Variants in NALF1 observed in about 807,000 individuals in gnomAD.
NALF1 encodes the protein family with sequence similarity 155 member A.
Under a neutral mutation model 48.4 loss-of-function variants are expected in NALF1, and 3 were observed. The observed-to-expected ratio is 0.06, with a 90% CI of 0.03 to 0.16. The LOEUF is 0.16. Ranked by LOEUF, NALF1 falls within the 10% of genes least tolerant of loss-of-function variation. The probability of loss-of-function intolerance (pLI) is 1.00; values close to 1 mark genes in which losing one functional copy is unlikely to be tolerated. For synonymous variants in NALF1, 262 were observed against 245.7 expected (o/e 1.07, Z -0.62); for missense variants, 526 against 571.5 (o/e 0.92, Z 0.81).
intron 1 of NALF1, among the ~76,000 whole-genome samples, chr13:107,319,387 T>C (rs534271715): frequency 6.6e-6 from 1 of 151,952 alleles, no homozygotes; most frequent in Non-Finnish European, 1.5e-5. Flanking sequence ...AAAATGACAA[T>C]TGCAGTATTT....
intron 1 of NALF1, among the ~76,000 whole-genome samples, chr13:107,848,339 C>T (rs1318637172): frequency 2.6e-5 from 4 of 152,030 alleles, no homozygotes; most frequent in Non-Finnish European, 1.5e-5. Context: ...TCCTAAAGAA[C>T]GACAGAAACT....
intron 1 of NALF1, among the ~76,000 whole-genome samples, chr13:107,818,497 C>T (rs2138614136): frequency 6.6e-6 from 1 of 152,260 alleles, no homozygotes; most frequent in South Asian, 2.1e-4. Flanking sequence ...AACCAGGGAG[C>T]ATGGACTACT....
chr13:107,846,105 A>G (rs79929034), intron 1 of NALF1, among the ~76,000 whole-genome samples: 2,902 of 152,190 alleles, frequency 0.019, 50 homozygotes, highest in African/African-American at 0.046. Flanking sequence ...TGCTTGTCAC[A>G]CATTCCAGGT....
chr13:107,184,185 A>T (rs1879126228), intron 2 of NALF1, among the ~76,000 whole-genome samples: 1 of 152,010 alleles, frequency 6.6e-6, no homozygotes. Context: ...GTGTAATAAA[A>T]AAAAAAAAGA....
At chr13:107,749,128 TTGTGTG>T (rs58213843) in intron 1 of NALF1, among the ~76,000 whole-genome samples, 11,969 of 147,098 alleles carry the variant, frequency 0.081, 625 homozygotes, top group South Asian at 0.18. Context: ...ATGTCTATAA[TTGTGTG>T]TGTGTGTGTG....
chr13:107,196,259 T>C (rs1031604969), intron 2 of NALF1, among the ~76,000 whole-genome samples: 3 of 152,240 alleles, frequency 2.0e-5, no homozygotes, highest in African/African-American at 7.2e-5. Context: ...GACATGACTT[T>C]ACCTATATAA....
chr13:107,709,142 T>G (rs1408606496), intron 1 of NALF1, among the ~76,000 whole-genome samples: 1 of 152,226 alleles, frequency 6.6e-6, no homozygotes, highest in Non-Finnish European at 1.5e-5. Context: ...CTCATTTGCA[T>G]TATAAAATGT....
At chr13:107,860,976 AT>A (rs1880554339) in intron 1 of NALF1, among the ~76,000 whole-genome samples, 1 of 152,224 alleles carries the variant, frequency 6.6e-6, no homozygotes, top group Admixed American at 6.5e-5. Flanking sequence ...CTTTGTGATC[AT>A]ACCTATGTAG....
intron 1 of NALF1, among the ~76,000 whole-genome samples, chr13:107,325,192 A>C (rs1345503922): frequency 6.6e-6 from 1 of 152,224 alleles, no homozygotes; most frequent in Non-Finnish European, 1.5e-5. Context: ...CATAGTGTGC[A>C]TATTATAAGA....
At chr13:107,219,118 A>G (rs1879938888) in intron 1 of NALF1, among the ~76,000 whole-genome samples, 1 of 152,180 alleles carries the variant, frequency 6.6e-6, no homozygotes, top group African/African-American at 2.4e-5. Context: ...ATCAAAAAAG[A>G]AGAAAGTCAC....
At chr13:107,278,179 T>TA (rs775529078) in intron 1 of NALF1, among the ~76,000 whole-genome samples, 1 of 152,206 alleles carries the variant, frequency 6.6e-6, no homozygotes, top group Non-Finnish European at 1.5e-5. Flanking sequence ...TCGCAGAAGG[T>TA]AGAGTCTATC....
chr13:107,278,224 A>T (rs1594101361), intron 1 of NALF1, among the ~76,000 whole-genome samples: 2 of 152,198 alleles, frequency 1.3e-5, no homozygotes, highest in African/African-American at 2.4e-5. Flanking sequence ...TTCTAGCCCC[A>T]TTCGTACTCA....
chr13:107,297,282 A>G (rs1881744639), intron 1 of NALF1, among the ~76,000 whole-genome samples: 1 of 152,216 alleles, frequency 6.6e-6, no homozygotes, highest in African/African-American at 2.4e-5. Flanking sequence ...AGTAAGCACA[A>G]AATGAATGTT....
intron 2 of NALF1, among the ~76,000 whole-genome samples, chr13:107,189,221 G>T (rs567288542): frequency 1.3e-5 from 2 of 152,280 alleles, no homozygotes; most frequent in Admixed American, 1.3e-4. Flanking sequence ...TATTTCACCA[G>T]GAGAACAAAG....
At chr13:107,472,127 G>A (rs1351882739) in intron 1 of NALF1, among the ~76,000 whole-genome samples, 2 of 152,124 alleles carry the variant, frequency 1.3e-5, no homozygotes. Flanking sequence ...TCAGGAGTTC[G>A]AGACCAGCCT....
intron 1 of NALF1, among the ~76,000 whole-genome samples, chr13:107,653,495 A>G (rs1403187338): frequency 6.8e-6 from 1 of 147,146 alleles, no homozygotes. Flanking sequence ...TTTTTTTTTT[A>G]TTATAAAATA....
rs1188064898 is a variant in NALF1, at chr13:107,866,331, CGCTGCCTCTGCTGCTGCTGCT to C, written c.245_265del (p.Gln82_Gln88del). On this transcript the variant is annotated inframe_deletion, in exon 1 of 3. Coordinates refer to ENST00000375915, the MANE Select transcript of NALF1 (RefSeq NM_001080396.3). The surrounding 1 kb of genome is among the most constrained non-coding windows in gnomAD (Gnocchi z 4.4). ...CCGCCGCTGCTGCTGCTGCTGCTGC[CGCTGCCTCTGCTGCTGCTGCT>C]GCTGCTGCTGCTGCCGCTGCTGCTG... 1.9e-6 allele frequency: 3 copies of C among 1,608,828 alleles called. No homozygotes were observed. The highest frequency in any genetic ancestry group is 3.3e-5 in the Admixed American group (2 of 59,868).
intron 1 of NALF1, among the ~76,000 whole-genome samples, chr13:107,696,441 G>C (rs1184883227): frequency 6.6e-6 from 1 of 152,006 alleles, no homozygotes; most frequent in Non-Finnish European, 1.5e-5. Context: ...ATAAACACAG[G>C]CAGACAAGGG....
intron 1 of NALF1, among the ~76,000 whole-genome samples, chr13:107,460,391 C>T (rs1036638988): frequency 6.6e-6 from 1 of 152,222 alleles, no homozygotes; most frequent in East Asian, 1.9e-4. Flanking sequence ...TGAGACTTGG[C>T]ACCTTCCTCC....
Sources: gnomAD v4.1 joint callset for allele counts (sites outside exome capture counted in the v4.1 genomes callset) on GRCh38, gnomAD v4.1.1 for gene constraint, Gnocchi (gnomAD v3.1) non-coding constraint, MANE v1.5 for transcripts, NCBI Gene and HGNC (gene_info 2026-07-23, HGNC 2026-07-21) for gene names.